CCDC91: variants seen among roughly 807,000 people sequenced by gnomAD.
CCDC91 encodes coiled-coil domain containing 91.
In CCDC91, 48 loss-of-function variants were observed where a neutral mutation model predicts 63.2. The observed-to-expected ratio is 0.76, with a 90% CI of 0.60 to 0.97. CCDC91 has a LOEUF of 0.97. Ranked by LOEUF, CCDC91 falls within the 50% of genes least tolerant of loss-of-function variation. CCDC91 has a pLI of 0.00. For synonymous variants in CCDC91, 167 were observed against 165.8 expected (o/e 1.01, Z -0.06); for missense variants, 500 against 494.6 (o/e 1.01, Z -0.10).
chr12:28,286,209 C>T (rs1186447682), intron 3 of CCDC91, among the ~76,000 whole-genome samples: 1 of 151,582 alleles, frequency 6.6e-6, no homozygotes, highest in Non-Finnish European at 1.5e-5. Context: ...AATAAAGCTT[C>T]TTTTTAAAAA....
chr12:28,534,693 G>A (rs1295027992), intron 12 of CCDC91, among the ~76,000 whole-genome samples: 1 of 152,166 alleles, frequency 6.6e-6, no homozygotes, highest in Non-Finnish European at 1.5e-5. Flanking sequence ...CTTTAAAAAT[G>A]GAATCCATAT....
At chr12:28,232,955 A>T (rs1045329786) in intron 1 of CCDC91, among the ~76,000 whole-genome samples, 1 of 150,516 alleles carries the variant, frequency 6.6e-6, no homozygotes, top group Non-Finnish European at 1.5e-5. Flanking sequence ...CCTGGGCAAC[A>T]GAGCAAGACT....
intron 1 of CCDC91, among the ~76,000 whole-genome samples, chr12:28,226,720 C>A (rs1373613728): frequency 6.6e-6 from 1 of 152,022 alleles, no homozygotes; most frequent in Non-Finnish European, 1.5e-5. Flanking sequence ...TTAATATTCC[C>A]TTTATTTTTA....
chr12:28,274,127 G>A (rs1447321297), intron 3 of CCDC91, among the ~76,000 whole-genome samples: 1 of 152,072 alleles, frequency 6.6e-6, no homozygotes, highest in Non-Finnish European at 1.5e-5. Context: ...TTTTTCTCAG[G>A]TTTGTCAAAG....
intron 3 of CCDC91, among the ~76,000 whole-genome samples, chr12:28,278,508 CTT>C (rs962334032): frequency 2.0e-5 from 3 of 152,032 alleles, no homozygotes; most frequent in African/African-American, 7.2e-5. Flanking sequence ...CACTTGAACT[CTT>C]ATTTCTTTTC....
intron 1 of CCDC91, among the ~76,000 whole-genome samples, chr12:28,200,275 T>C (rs1463857039): frequency 6.6e-6 from 1 of 151,388 alleles, no homozygotes; most frequent in Non-Finnish European, 1.5e-5. Context: ...TTTCTATGTT[T>C]CTTTTTATTT....
At chr12:28,420,713 T>C (rs937110797) in intron 8 of CCDC91, among the ~76,000 whole-genome samples, 1 of 151,850 alleles carries the variant, frequency 6.6e-6, no homozygotes, top group Admixed American at 6.6e-5. Context: ...TTATATGACA[T>C]CTTCCTGTTT....
intron 6 of CCDC91, among the ~76,000 whole-genome samples, chr12:28,361,148 A>G (rs912132747): frequency 1.3e-5 from 2 of 151,110 alleles, no homozygotes; most frequent in African/African-American, 4.9e-5. Flanking sequence ...CCACTTCATT[A>G]TTTATCATCT....
At chr12:28,298,219 A>T (rs1032777908) in intron 3 of CCDC91, among the ~76,000 whole-genome samples, 49 of 151,906 alleles carry the variant, frequency 3.2e-4, no homozygotes, top group African/African-American at 1.2e-3. Flanking sequence ...AATTCCTCTG[A>T]TGCCTCATAA....
intron 6 of CCDC91, among the ~76,000 whole-genome samples, chr12:28,342,729 C>T (rs1380718140): frequency 6.6e-6 from 1 of 151,844 alleles, no homozygotes. Context: ...TTAGATGGAA[C>T]AAAGTTCTTG....
rs1258650623 is a variant in CCDC91 at position 28,314,182 on chromosome 12, AT to A, written c.576+6435del. Among the ~76,000 whole-genome samples, 6 of 650 alleles carry A rather than the reference AT, an allele frequency of 9.2e-3. No homozygotes were observed. In the East Asian group the frequency reaches 0.19, roughly 20 times the overall value. The allele number at this position is 650 out of a possible 152,430, so 0.4% of individuals were successfully genotyped here. On this transcript the variant is annotated intron_variant, in intron 6 of 12. Transcript: ENST00000536442. ...CTTGATTATTTGGCTTGAAAATTTAATTAAAAAAAAAACAACTAGTACTGTT... is the reference window on the plus strand; with the variant it reads ...CTTGATTATTTGGCTTGAAAATTTAATAAAAAAAAAACAACTAGTACTGTT...
In CCDC91 at chr12:28,272,076, G is replaced by A. The variant is rs115668327; in HGVS notation, c.109+12634G>A. Among the ~76,000 whole-genome samples the A allele has an allele frequency of 7.3e-3, 1,109 of 151,906 alleles. 18 individuals carry two copies. The highest frequency in any genetic ancestry group is 0.026 in the African/African-American group (1,059 of 41,468). Reference sequence around the variant, plus strand: ...ATTACTCCGCCATCTTCTGATTTCCGTAATTGTTTTGGGAAGTTAGTTGAT... The same window carrying A: ...ATTACTCCGCCATCTTCTGATTTCCATAATTGTTTTGGGAAGTTAGTTGAT... On this transcript the variant is annotated intron_variant, in intron 3 of 12. Transcript: ENST00000536442.
chr12:28,396,126 G>A (rs1946270633), intron 8 of CCDC91, among the ~76,000 whole-genome samples: 1 of 152,164 alleles, frequency 6.6e-6, no homozygotes, highest in Non-Finnish European at 1.5e-5. Context: ...GGTGAAGGAA[G>A]ACTTATAGGA....
At chr12:28,288,422 T>C (rs2136717089) in intron 3 of CCDC91, among the ~76,000 whole-genome samples, 1 of 152,350 alleles carries the variant, frequency 6.6e-6, no homozygotes, top group Non-Finnish European at 1.5e-5. Flanking sequence ...TGTTGAATTT[T>C]ATCAAAAGCC....
At chr12:28,297,731 G>A (rs140571069) in intron 3 of CCDC91, among the ~76,000 whole-genome samples, 1 of 151,864 alleles carries the variant, frequency 6.6e-6, no homozygotes, top group African/African-American at 2.4e-5. Flanking sequence ...CATGAGGACT[G>A]ACATTACACG....
intron 11 of CCDC91, among the ~76,000 whole-genome samples, chr12:28,455,162 C>CCT (rs1950000140): frequency 6.6e-6 from 1 of 151,126 alleles, no homozygotes; most frequent in Non-Finnish European, 1.5e-5. Flanking sequence ...AGTAAATATC[C>CCT]TGAAGAGTAT....
chr12:28,244,631 A>G (rs1013165451), intron 1 of CCDC91, among the ~76,000 whole-genome samples: 3 of 142,710 alleles, frequency 2.1e-5, no homozygotes, highest in African/African-American at 7.8e-5. Flanking sequence ...ATCTTCATTT[A>G]TATGTCTGGT....
intron 8 of CCDC91, among the ~76,000 whole-genome samples, chr12:28,433,302 A>T (rs1416753857): frequency 2.6e-5 from 4 of 151,908 alleles, no homozygotes; most frequent in Non-Finnish European, 5.9e-5. Flanking sequence ...TGTACTTAAG[A>T]TCATCTAGAT....
chr12:28,360,072 T>A (rs1398950573), intron 6 of CCDC91, among the ~76,000 whole-genome samples: 1 of 152,206 alleles, frequency 6.6e-6, no homozygotes, highest in East Asian at 1.9e-4. Flanking sequence ...GAAACTATCT[T>A]AAAGTAGATC....
Sources: allele counts gnomAD v4.1 joint callset (sites outside exome capture counted in the v4.1 genomes callset), GRCh38; gene constraint gnomAD v4.1.1; transcripts MANE v1.5; gene names NCBI Gene and HGNC (gene_info 2026-07-23, HGNC 2026-07-21).